The following GAK variants were observed in gnomAD, a reference collection of about 807,000 sequenced individuals.
GAK encodes the protein cyclin-G-associated kinase.
GAK carries 79 observed loss-of-function variants against 143.9 expected under a neutral mutation model. The observed-to-expected ratio is 0.55, with a 90% CI of 0.46 to 0.66. The LOEUF (loss-of-function observed/expected upper bound fraction) is 0.66, where lower values mean the gene tolerates loss of function less well. Ranked by LOEUF, GAK falls within the 30% of genes least tolerant of loss-of-function variation. GAK has a pLI of 0.00. For synonymous variants in GAK, 881 were observed against 765.5 expected (o/e 1.15, Z -2.49); for missense variants, 1,693 against 1,779.7 (o/e 0.95, Z 0.88).
In GAK at chr4:865,309, C is replaced by T. The variant is rs192194792; in HGVS notation, c.3044-65G>A. On this transcript the variant is annotated intron_variant, in intron 22 of 27. Transcript: ENST00000314167. ...TCAGCAGCAGGCAAATGTGGCGGGGCGCCAGGCTGTGCTCAGGGCCCTAGG... is the reference window on the plus strand; with the variant it reads ...TCAGCAGCAGGCAAATGTGGCGGGGTGCCAGGCTGTGCTCAGGGCCCTAGG... The T allele has an allele frequency of 2.9e-5, 46 of 1,603,834 alleles. No individual in the cohort carries two copies. In the East Asian group the frequency reaches 3.3e-4, roughly 12 times the overall value.
rs1200086978 is a variant in GAK, at chr4:877,764, T to A, written c.1707A>T (p.Thr569=). ...MCDMVAEEPI[T]PHSKPILVRA... ...TCACCAGGATGGGCTTGCTGTGGGG[T>A]GTGATGGGCTCCTCCGCCACCATGT... is the stretch of plus-strand genomic sequence containing the variant. Residue 569 remains threonine, a synonymous_variant, in exon 16 of 28, where the codon ACA becomes ACT. Coordinates refer to ENST00000314167, the MANE Select transcript of GAK (RefSeq NM_005255.4). The A allele has an allele frequency of 2.3e-5, 37 of 1,611,228 alleles. No homozygotes were observed. Among genetic ancestry groups the A allele is most frequent in the Non-Finnish European group, 2.7e-5 (32 of 1,179,118 alleles).
In GAK at chr4:849,937, C is replaced by A; in HGVS notation, c.3789G>T (p.Val1263=). The A allele has an allele frequency of 1.2e-6, 2 of 1,604,598 alleles. No individual in the cohort carries two copies. The highest frequency in any genetic ancestry group is 4.5e-5 in the East Asian group (2 of 44,486). Residue 1263 remains valine, a synonymous_variant, in exon 27 of 28, where the codon GTG becomes GTT. Coordinates refer to ENST00000314167, the MANE Select transcript of GAK (RefSeq NM_005255.4). ...GCACCGCGCGGCGATAGTGCTTCTT[C>A]ACTTGCTCCGGAGCCACCAGGTCGG... ...GMADLVAPEQ[V]KKHYRRAVLA...
chr4:900,340 C>T (rs911209567), intron 5 of GAK, among the ~76,000 whole-genome samples: 3 of 152,246 alleles, frequency 2.0e-5, no homozygotes, highest in African/African-American at 7.2e-5. Context: ...ACTCCCACGG[C>T]GGAGGCCACA....
chr4:868,804 C>T (rs547490086), intron 19 of GAK, 119 bp from the exon 20 acceptor site: 15 of 1,020,154 alleles, frequency 1.5e-5, no homozygotes, highest in East Asian at 5.3e-5. Flanking sequence ...GCCAGGCCAT[C>T]GGTAAAGCAG....
intron 4 of GAK, among the ~76,000 whole-genome samples, chr4:906,056 A>C (rs1178418639): frequency 6.6e-6 from 1 of 152,234 alleles, no homozygotes; most frequent in Admixed American, 6.5e-5. Context: ...CGTTAACGTG[A>C]GAACCACATC....
Position 885,314 on chromosome 4 carries a change from G to C in GAK, c.1206-1228C>G, listed in dbSNP as rs563219199. On this transcript the variant is annotated intron_variant, in intron 11 of 27. Coordinates refer to ENST00000314167, the MANE Select transcript of GAK (RefSeq NM_005255.4). ...ATAGGGGCCAGGTGCGGTGGCTCAT[G>C]CCTGTAATCTCAGCACTTTGGGAGG... Among the ~76,000 whole-genome samples the C allele has an allele frequency of 3.3e-5, 5 of 152,322 alleles. No homozygotes were observed. The East Asian group carries it at 9.7e-4, about 29-fold the overall frequency.
intron 10 of GAK, among the ~76,000 whole-genome samples, chr4:889,590 C>A (rs1717251402): frequency 6.6e-6 from 1 of 152,214 alleles, no homozygotes; most frequent in Admixed American, 6.5e-5. Flanking sequence ...AGCCACTACA[C>A]CTGCATGTGT....
intron 5 of GAK, among the ~76,000 whole-genome samples, chr4:899,520 G>A (rs763334256): frequency 6.6e-5 from 10 of 152,228 alleles, no homozygotes; most frequent in Admixed American, 1.3e-4. Context: ...CACAGGCAGC[G>A]AGAGGAAGGC....
chr4:867,238 C>CA lies in GAK; in HGVS notation c.2589dup (p.Glu864Ter). On this transcript the variant is annotated frameshift_variant, in exon 21 of 28. Coordinates refer to ENST00000314167, the MANE Select transcript of GAK (RefSeq NM_005255.4). LOFTEE classifies it high-confidence loss of function. ...GGCAGCACAGCCGGTGTCTCCACCT[C>CA]AAAAACCAAGTCCTGCTGCACCAGC... The CA allele has an allele frequency of 6.2e-7, 1 of 1,613,074 alleles. No homozygotes were observed. The highest frequency in any genetic ancestry group is 8.5e-7 in the Non-Finnish European group (1 of 1,179,682).
At position 893,419 on chromosome 4, in the gene GAK, G is replaced by C. The variant is rs374345324; in HGVS notation, c.948C>G (p.Ile316Met). The C allele has an allele frequency of 3.8e-6, 6 of 1,591,124 alleles. No individual in the cohort carries two copies. Among genetic ancestry groups the C allele is most frequent in the South Asian group, 3.4e-5 (3 of 88,618 alleles). The change falls in exon 9 of 28, where the codon ATC becomes ATG. Residue 316 changes from isoleucine to methionine, a missense_variant. This residue lies in a region of GAK where 871 missense variants were observed against 991.0 expected (regional missense o/e 0.88). Coordinates refer to ENST00000314167, the MANE Select transcript of GAK (RefSeq NM_005255.4). ...IAEVVHQLQE[I>M]AAARNVNPKS... ...TGGGGTTCACGTTGCGGGCGGCCGC[G>C]ATCTCCTGCAGCTGGTGCACCACCT...
chr4:900,353 T>G (rs942812281), intron 5 of GAK, among the ~76,000 whole-genome samples: 1 of 152,136 alleles, frequency 6.6e-6, no homozygotes, highest in Non-Finnish European at 1.5e-5. Context: ...AGGCCACAGG[T>G]GAACACACGC....
At chr4:879,059 G>C (rs1245826680) in intron 15 of GAK, among the ~76,000 whole-genome samples, 1 of 152,228 alleles carries the variant, frequency 6.6e-6, no homozygotes. Context: ...CTTTCTCAGA[G>C]TCAGTGCGGC....
Position 882,797 on chromosome 4 carries a change from G to A in GAK, c.1427C>T (p.Ala476Val), listed in dbSNP as rs552253328. The A allele has an allele frequency of 3.5e-5, 56 of 1,609,870 alleles. No individual in the cohort carries two copies. In the East Asian group the frequency reaches 9.8e-4, roughly 28 times the overall value. ...GGTGTGCAGGTGTGGGGCCCGCCGT[G>A]CTGCCCAGCCACACTCGGAGACCTG... The part of the protein sequence containing the change: ...HNRVSECGWA[A>V]RRAPHLHTLY... Residue 476 changes from alanine (A) to valine (V), a missense_variant, in exon 14 of 28, where the codon GCA becomes GTA. Around this residue, in one of 2 missense-constraint regions of GAK, gnomAD observed 871 missense variants for 991.0 expected, o/e 0.88. Coordinates refer to ENST00000314167, the MANE Select transcript of GAK (RefSeq NM_005255.4).
At chr4:914,441 GC>G (rs1481596008) in intron 1 of GAK, among the ~76,000 whole-genome samples, 7 of 69,416 alleles carry the variant, frequency 1.0e-4, no homozygotes, top group Non-Finnish European at 1.1e-4. Flanking sequence ...AGCGTGCACG[GC>G]CCCCACACAC....
At chr4:913,846 C>A in intron 1 of GAK, 178 bp from the exon 2 acceptor site, 1 of 581,396 alleles carries the variant, frequency 1.7e-6, no homozygotes, top group Non-Finnish European at 3.1e-6. Context: ...GCATACATGC[C>A]CCCACACACA....
At chr4:850,352 A>C in intron 26 of GAK, 1 of 369,184 alleles carries the variant, frequency 2.7e-6, no homozygotes, top group Non-Finnish European at 4.9e-6. Context: ...TGGTGGTGCA[A>C]CCCCTTGGCC....
intron 15 of GAK, among the ~76,000 whole-genome samples, chr4:880,064 G>A (rs1443966501): frequency 6.6e-6 from 1 of 151,904 alleles, no homozygotes; most frequent in African/African-American, 2.4e-5. Flanking sequence ...CATGCACCCT[G>A]CATGAGGGTC....
chr4:911,112 T>G (rs1222961629), intron 4 of GAK, among the ~76,000 whole-genome samples: 4 of 152,132 alleles, frequency 2.6e-5, no homozygotes. Flanking sequence ...AAACGGACCA[T>G]GGAGTCGTTG....
chr4:877,056 TG>T (rs766935367), intron 17 of GAK, 33 bp downstream of exon 17: 42 of 1,446,390 alleles, frequency 2.9e-5, no homozygotes, highest in Non-Finnish European at 4.1e-5. Flanking sequence ...TAGGCGTGAG[TG>T]GGGAGCACCG....
Sources: allele counts gnomAD v4.1 joint callset (sites outside exome capture counted in the v4.1 genomes callset), GRCh38; gene constraint gnomAD v4.1.1; regional missense constraint gnomAD v4.1.1; transcripts MANE v1.5; gene names NCBI Gene and HGNC (gene_info 2026-07-23, HGNC 2026-07-21).